USP34: variants seen among roughly 807,000 people sequenced by gnomAD.
USP34 encodes the protein ubiquitin carboxyl-terminal hydrolase 34.
In USP34, 70 loss-of-function variants were observed where a neutral mutation model predicts 460.3. The ratio of observed to expected loss-of-function variants is 0.15; its 90% CI spans 0.13 to 0.19. The LOEUF (loss-of-function observed/expected upper bound fraction) is 0.19. Ranked by LOEUF, USP34 falls within the 10% of genes least tolerant of loss-of-function variation. The pLI is 1.00. For missense variants in USP34, 3,985 were observed against 4,236.2 expected, an observed-to-expected ratio of 0.94 and a Z score of 1.65; for synonymous variants, 1,647 against 1,405.3, an observed-to-expected ratio of 1.17 and a Z score of -3.85.
chr2:61,342,216 TGTA>T (rs1558538955), intron 16 of USP34, among the ~76,000 whole-genome samples: 2 of 152,058 alleles, frequency 1.3e-5, no homozygotes, highest in Admixed American at 1.3e-4. Context: ...TCAATAGGTA[TGTA>T]GTAGTGCCTC....
intron 79 of USP34, 78 bp from the exon 80 acceptor site, chr2:61,188,787 T>C: frequency 6.4e-7 from 1 of 1,567,732 alleles, no homozygotes; most frequent in Non-Finnish European, 8.6e-7. Context: ...GGGAAGTTAA[T>C]TTTGTTTCTA....
At chr2:61,460,017 G>A (rs576381018) in intron 1 of USP34, among the ~76,000 whole-genome samples, 1 of 151,016 alleles carries the variant, frequency 6.6e-6, no homozygotes, top group Admixed American at 6.6e-5. Context: ...AGCCGAGATC[G>A]CACCACTGCA....
At chr2:61,349,844 AAACAACAACAAC>A (rs143680445) in intron 12 of USP34, among the ~76,000 whole-genome samples, 3 of 148,944 alleles carry the variant, frequency 2.0e-5, no homozygotes, top group African/African-American at 7.4e-5. Flanking sequence ...CCGTCTCAAA[AAACAACAACAAC>A]AACAACAACA....
intron 19 of USP34, among the ~76,000 whole-genome samples, chr2:61,332,985 T>C (rs775176253): frequency 1.3e-5 from 2 of 152,052 alleles, no homozygotes; most frequent in Non-Finnish European, 2.9e-5. Flanking sequence ...CAAGTGTTCT[T>C]ACCACCTAAG....
intron 3 of USP34, among the ~76,000 whole-genome samples, chr2:61,396,302 T>C (rs1693523046): frequency 6.6e-6 from 1 of 152,202 alleles, no homozygotes; most frequent in Non-Finnish European, 1.5e-5. Context: ...TGGAAGGCTA[T>C]TTGGCAATAT....
At chr2:61,262,116 A>AAAAAAAAAT (rs1553359480) in intron 43 of USP34, among the ~76,000 whole-genome samples, 1 of 47,382 alleles carries the variant, frequency 2.1e-5, no homozygotes, top group Non-Finnish European at 4.0e-5. Context: ...AAAAAAAAAA[A>AAAAAAAAAT]ATATATATAT....
In USP34 at chr2:61,294,987, C is replaced by T. The variant is rs1434206546; in HGVS notation, c.4423G>A (p.Asp1475Asn). The T allele has an allele frequency of 6.2e-7, 1 of 1,612,980 alleles. No individual in the cohort carries two copies. Among genetic ancestry groups the T allele is most frequent in the East Asian group, 2.2e-5 (1 of 44,764 alleles). The change falls in exon 32 of 80, where the codon GAT becomes AAT. Residue 1475 changes from aspartate to asparagine, a missense_variant. Physicochemically the swap from Asp to Asn is conservative, Grantham distance 23 (BLOSUM62 1). This residue lies in a region of USP34 where 1,114 missense variants were observed against 1,122.5 expected (regional missense o/e 0.99). Coordinates refer to ENST00000398571, the MANE Select transcript of USP34 (RefSeq NM_014709.4). ...GAATTTTTACTATTTTCCACTTGAT[C>T]TTCACTTGAATCATCTGAATCTGGA... ...LYPDSDDSSE[D>N]QVENSKNSWS...
chr2:61,443,886 G>A (rs893500848), intron 1 of USP34, among the ~76,000 whole-genome samples: 9 of 152,144 alleles, frequency 5.9e-5, no homozygotes, highest in African/African-American at 1.9e-4. Flanking sequence ...TGTTGATAAT[G>A]GAGGAGGCTT....
chr2:61,415,733 G>A (rs542854501), intron 2 of USP34, among the ~76,000 whole-genome samples: 50 of 152,124 alleles, frequency 3.3e-4, no homozygotes, highest in South Asian at 6.2e-4. Flanking sequence ...TACTTATGTT[G>A]GTACACCAAT....
At chr2:61,272,558 C>A (rs371669310) in intron 41 of USP34, among the ~76,000 whole-genome samples, 28 of 152,130 alleles carry the variant, frequency 1.8e-4, no homozygotes, top group South Asian at 6.2e-4. Context: ...TCTCTGGAAC[C>A]ATCGAAAAAC....
Position 61,284,944 on chromosome 2 carries a change from A to G in USP34, c.4763T>C (p.Leu1588Pro), listed in dbSNP as rs772300423. ...CTGAATCAAACTGGTTCCTTGGACA[A>G]GAACAAGAAATACCTTTAAAACAAA... ...IPRLTEVFLV[L>P]VQGTSLIQRL... The change falls in exon 35 of 80, where the codon CTT becomes CCT. Residue 1588 changes from leucine (L) to proline (P), a missense_variant. By Grantham distance (98) the Leu-to-Pro change is moderately conservative. Coordinates refer to ENST00000398571, the MANE Select transcript of USP34 (RefSeq NM_014709.4). 3 of 1,610,130 alleles carry G rather than the reference A, an allele frequency of 1.9e-6. No homozygotes were observed. In the African/African-American group the frequency reaches 4.0e-5, roughly 22 times the overall value.
At chr2:61,281,470 G>C (rs935806954) in intron 37 of USP34, among the ~76,000 whole-genome samples, 9 of 152,142 alleles carry the variant, frequency 5.9e-5, no homozygotes, top group African/African-American at 2.2e-4. Context: ...AAATTAACCG[G>C]GTGTGGTGAC....
intron 13 of USP34, 42 bp from the exon 14 acceptor site, chr2:61,348,928 T>G: frequency 6.4e-7 from 1 of 1,562,676 alleles, no homozygotes. Flanking sequence ...TAATTTATAT[T>G]AACATTGACT....
intron 53 of USP34, 40 bp from the exon 54 acceptor site, chr2:61,236,429 A>G: frequency 7.1e-7 from 1 of 1,414,846 alleles, no homozygotes; most frequent in Non-Finnish European, 9.6e-7. Flanking sequence ...AAAGCAGTTT[A>G]CTTCATTACA....
At chr2:61,300,554 T>C (rs1235957754) in intron 29 of USP34, among the ~76,000 whole-genome samples, 2 of 149,594 alleles carry the variant, frequency 1.3e-5, no homozygotes, top group Admixed American at 1.3e-4. Context: ...TCCCAGCACT[T>C]TGGGAGGCTG....
intron 2 of USP34, among the ~76,000 whole-genome samples, chr2:61,408,552 C>A (rs1328098962): frequency 6.6e-6 from 1 of 152,080 alleles, no homozygotes; most frequent in Admixed American, 6.6e-5. Flanking sequence ...TCCTACAATT[C>A]TTCTGATTAA....
intron 5 of USP34, among the ~76,000 whole-genome samples, chr2:61,384,560 C>T (rs1165713152): frequency 6.6e-6 from 1 of 152,064 alleles, no homozygotes; most frequent in East Asian, 1.9e-4. Context: ...GCAGTCCCAG[C>T]ACTCTGGGAG....
Position 61,308,883 on chromosome 2 carries a change from A to T in USP34, c.3817+2657T>A, listed in dbSNP as rs148246656. ...TGGTGAAACCCTGTCTCTACTAAAA[A>T]TACAAAAAATTACCCAGGGATGGTG... On this transcript the variant is annotated intron_variant, in intron 27 of 79. Coordinates refer to ENST00000398571, the MANE Select transcript of USP34 (RefSeq NM_014709.4). Among the ~76,000 whole-genome samples the T allele has an allele frequency of 9.6e-4, 146 of 152,266 alleles. 1 individual carries two copies. Among genetic ancestry groups the T allele is most frequent in the African/African-American group, 3.3e-3 (138 of 41,550 alleles).
intron 1 of USP34, among the ~76,000 whole-genome samples, chr2:61,454,004 T>A (rs1042749394): frequency 2.8e-4 from 42 of 152,132 alleles, no homozygotes; most frequent in Admixed American, 4.6e-4. Context: ...TAGGTAAGTA[T>A]AAACTCAGTT....
Sources: allele counts gnomAD v4.1 joint callset (sites outside exome capture counted in the v4.1 genomes callset), GRCh38; gene constraint gnomAD v4.1.1; regional missense constraint gnomAD v4.1.1; transcripts MANE v1.5; gene names NCBI Gene and HGNC (gene_info 2026-07-23, HGNC 2026-07-21).